CLDN1: variants seen among roughly 807,000 people sequenced by gnomAD.
CLDN1 encodes claudin 1.
A neutral mutation model predicts 22.6 loss-of-function variants in CLDN1; 12 were observed. That is an observed-to-expected ratio of 0.53 (90% CI 0.34 to 0.86). The LOEUF (loss-of-function observed/expected upper bound fraction) is 0.86. CLDN1 is among the 40% of genes least tolerant of loss of function. The pLI, the probability that CLDN1 is intolerant of heterozygous loss-of-function variation, is 0.02. For synonymous variants in CLDN1, 99 were observed against 103.8 expected, an observed-to-expected ratio of 0.95 and a Z score of 0.28; for missense variants, 250 against 269.5, an observed-to-expected ratio of 0.93 and a Z score of 0.51.
At chr3:190,321,900 A>C in intron 1 of CLDN1, 84 bp downstream of exon 1, 4 of 979,494 alleles carry the variant, frequency 4.1e-6, no homozygotes, top group South Asian at 2.7e-5. Context: ...TAACCATGGA[A>C]TCACACAACA....
At chr3:190,312,397 G>T (rs1288634044) in intron 2 of CLDN1, among the ~76,000 whole-genome samples, 1 of 151,878 alleles carries the variant, frequency 6.6e-6, no homozygotes, top group African/African-American at 2.4e-5. Flanking sequence ...GGCACATCCT[G>T]TTTATTCTCG....
chr3:190,320,571 C>T (rs2108615482), intron 1 of CLDN1, among the ~76,000 whole-genome samples: 1 of 152,270 alleles, frequency 6.6e-6, no homozygotes, highest in Non-Finnish European at 1.5e-5. Flanking sequence ...ACACTCAAAA[C>T]AACCATGCAC....
Position 190,322,001 on chromosome 3 carries a change from G to T in CLDN1, c.206C>A (p.Ser69Tyr), listed in dbSNP as rs760510805. 7.4e-6 allele frequency: 12 copies of T among 1,614,130 alleles called. No individual in the cohort carries two copies. The East Asian group carries it at 2.7e-4, about 36-fold the overall frequency. ...TGQIQCKVFD[S>Y]LLNLSSTLQA... ...GCACTCACTGCTCAGATTCAGCAAG[G>T]AGTCAAAGACTTTGCACTGGATCTG... The change falls in exon 1 of 4, where the codon TCC (serine) becomes TAC (tyrosine). Residue 69 changes from serine (S) to tyrosine (Y), a missense_variant. Ser to Tyr is a moderately radical substitution (Grantham distance 144). Coordinates refer to ENST00000295522, the MANE Select transcript of CLDN1 (RefSeq NM_021101.5).
intron 2 of CLDN1, among the ~76,000 whole-genome samples, chr3:190,311,749 GAT>G (rs571849327): frequency 6.6e-6 from 1 of 150,890 alleles, no homozygotes; most frequent in African/African-American, 2.4e-5. Flanking sequence ...TAGATATAAA[GAT>G]ATATATATAC....
intron 1 of CLDN1, 68 bp from the exon 2 acceptor site, chr3:190,313,104 C>T (rs372931088): frequency 1.3e-6 from 2 of 1,555,454 alleles, no homozygotes; most frequent in Non-Finnish European, 1.8e-6. Context: ...GGAAGAAGAC[C>T]AAGTATATGT....
rs1716934720 is a variant in CLDN1 at position 190,321,993 on chromosome 3, T to G, written c.214A>C (p.Asn72His). The G allele has an allele frequency of 6.2e-7, 1 of 1,613,988 alleles. No homozygotes were observed. Among genetic ancestry groups the G allele is most frequent in the Non-Finnish European group, 8.5e-7 (1 of 1,179,996 alleles). ...IQCKVFDSLLNLSSTLQATRA... is the reference protein window; with the variant it reads ...IQCKVFDSLLHLSSTLQATRA... The stretch of plus-strand genomic sequence containing the variant: ...GTGGGGGTGCACTCACTGCTCAGAT[T>G]CAGCAAGGAGTCAAAGACTTTGCAC... Residue 72 changes from asparagine to histidine, a missense_variant, in exon 1 of 4, where the codon AAT (asparagine) becomes CAT (histidine). Transcript: ENST00000295522.
intron 1 of CLDN1, among the ~76,000 whole-genome samples, chr3:190,315,923 G>C (rs1577390585): frequency 6.6e-6 from 1 of 152,088 alleles, no homozygotes; most frequent in African/African-American, 2.4e-5. Context: ...AACTACTCCA[G>C]GGCCCTTACT....
intron 1 of CLDN1, among the ~76,000 whole-genome samples, chr3:190,321,683 G>A (rs989852296): frequency 1.3e-5 from 2 of 152,134 alleles, no homozygotes; most frequent in Admixed American, 1.3e-4. Context: ...AAGAGCTCAA[G>A]TTCAAGTTTG....
At chr3:190,311,513 C>A (rs1245451452) in intron 2 of CLDN1, among the ~76,000 whole-genome samples, 3 of 152,076 alleles carry the variant, frequency 2.0e-5, no homozygotes, top group African/African-American at 7.2e-5. Context: ...AAAGCCCCTA[C>A]AAGTCTTCTG....
chr3:190,322,143 T>C lies in CLDN1; in HGVS notation c.64A>G (p.Ile22Val), dbSNP rs1013392226. 7 of 1,614,046 alleles carry C rather than the reference T, an allele frequency of 4.3e-6. No homozygotes were observed. The highest frequency in any genetic ancestry group is 5.9e-6 in the Non-Finnish European group (7 of 1,180,042). ...CACTGGGGCAGGGCAGTGCTGACGA[T>C]GGCGCCGATCCATCCCAGGAAGGCG... ...ILAFLGWIGA[I>V]VSTALPQWRI... is the part of the protein sequence containing the mutation. Residue 22 changes from isoleucine (I) to valine (V), a missense_variant, in exon 1 of 4, where the codon ATC becomes GTC. Physicochemically the swap from Ile to Val is conservative, Grantham distance 29. Transcript: ENST00000295522.
chr3:190,320,025 T>A lies in CLDN1; in HGVS notation c.223+1959A>T, dbSNP rs560499324. 2.6e-5 allele frequency among the ~76,000 whole-genome samples: 4 copies of A among 152,290 alleles called. No homozygotes were observed. In the South Asian group the frequency reaches 8.3e-4, roughly 32 times the overall value. On this transcript the variant is annotated intron_variant, in intron 1 of 3. Transcript: ENST00000295522. The stretch of plus-strand genomic sequence containing the variant: ...GGCTTTAAGTAAAATAAAAGTGGAT[T>A]CTGATCTGGAGTTTTAAAAAAATAG...
intron 1 of CLDN1, among the ~76,000 whole-genome samples, chr3:190,319,557 C>T (rs897287623): frequency 1.3e-5 from 2 of 152,162 alleles, no homozygotes; most frequent in Non-Finnish European, 2.9e-5. Flanking sequence ...ACCTACCCTA[C>T]ATAAAGCAGG....
chr3:190,321,115 C>T (rs781245012), intron 1 of CLDN1, among the ~76,000 whole-genome samples: 13 of 152,142 alleles, frequency 8.5e-5, no homozygotes, highest in Non-Finnish European at 1.8e-4. Flanking sequence ...AAGGAAGACC[C>T]ACCTCTTCTT....
In CLDN1 at chr3:190,307,127, T is replaced by C. The variant is rs1716475985; in HGVS notation, c.*1150A>G. On this transcript the variant is annotated 3_prime_UTR_variant, in exon 4 of 4. Coordinates refer to ENST00000295522, the MANE Select transcript of CLDN1 (RefSeq NM_021101.5). ...TCTTCTAACTGGTTAAGTATCATTA[T>C]CTCAATTTGGCAGATAGAAAAAAGA... 1 of 152,656 alleles carries C rather than the reference T, an allele frequency of 6.6e-6. No homozygotes were observed. The highest frequency in any genetic ancestry group is 6.5e-5 in the Admixed American group (1 of 15,272). The allele number at this position is 152,656 out of a possible 1,614,324, so 9.5% of individuals were successfully genotyped here.
At chr3:190,313,250 C>A in intron 1 of CLDN1, 2 of 566,604 alleles carry the variant, frequency 3.5e-6, no homozygotes, top group Non-Finnish European at 6.3e-6. Context: ...AAAAGAGATC[C>A]CTCCACTCCA....
chr3:190,316,358 G>A (rs1716769728), intron 1 of CLDN1, among the ~76,000 whole-genome samples: 1 of 152,076 alleles, frequency 6.6e-6, no homozygotes, highest in Non-Finnish European at 1.5e-5. Flanking sequence ...TGCTTCATTG[G>A]AGATATTTGG....
intron 1 of CLDN1, among the ~76,000 whole-genome samples, chr3:190,317,189 A>G (rs969038891): frequency 3.9e-5 from 6 of 152,122 alleles, no homozygotes; most frequent in Non-Finnish European, 8.8e-5. Context: ...TCCTTTTCTC[A>G]CCTCTTAAAT....
intron 1 of CLDN1, among the ~76,000 whole-genome samples, chr3:190,318,485 T>C (rs1443962281): frequency 6.6e-6 from 1 of 152,184 alleles, no homozygotes; most frequent in African/African-American, 2.4e-5. Flanking sequence ...ATCTGTTGAA[T>C]GGATAAACGA....
At chr3:190,316,267 T>C (rs1707862219) in intron 1 of CLDN1, among the ~76,000 whole-genome samples, 1 of 152,348 alleles carries the variant, frequency 6.6e-6, no homozygotes, top group African/African-American at 2.4e-5. Context: ...ATATTTTCAC[T>C]TACATCCTGG....
Sources: allele counts gnomAD v4.1 joint callset (sites outside exome capture counted in the v4.1 genomes callset), GRCh38; gene constraint gnomAD v4.1.1; transcripts MANE v1.5; gene names NCBI Gene and HGNC (gene_info 2026-07-23, HGNC 2026-07-21).